MAPK8IP3: variants seen among roughly 807,000 people sequenced by gnomAD.
MAPK8IP3 encodes the protein C-Jun-amino-terminal kinase-interacting protein 3.
MAPK8IP3 carries 49 observed loss-of-function variants against 157.8 expected under a neutral mutation model. The observed-to-expected ratio is 0.31, with a 90% CI of 0.25 to 0.39. The LOEUF is 0.39. MAPK8IP3 is among the 10% of genes least tolerant of loss of function. MAPK8IP3 has a pLI of 1.00. For missense variants in MAPK8IP3, 1,478 were observed against 1,889.4 expected, an observed-to-expected ratio of 0.78 and a Z score of 4.04; for synonymous variants, 897 against 777.7, an observed-to-expected ratio of 1.15 and a Z score of -2.55.
At position 1,729,191 on chromosome 16, in the gene MAPK8IP3, C is replaced by T. The variant is rs777499600; in HGVS notation, c.493C>T (p.His165Tyr). Residue 165 changes from histidine (H) to tyrosine (Y), a missense_variant, in exon 3 of 32, where the codon CAC becomes TAC. By Grantham distance (83) the His-to-Tyr change is moderately conservative. Around this residue, in one of 11 missense-constraint regions of MAPK8IP3, gnomAD observed 315 missense variants for 394.4 expected, o/e 0.80. Coordinates refer to ENST00000610761, the MANE Select transcript of MAPK8IP3 (RefSeq NM_001318852.2). ...SEMKKEYNAL[H>Y]QRHTEMIQTY... ...GATGAAGAAGGAGTACAATGCCCTG[C>T]ACCAGCGGCACACAGAGGTGGGCGC... 1 of 1,613,956 alleles carries T rather than the reference C, an allele frequency of 6.2e-7. No individual in the cohort carries two copies. Among genetic ancestry groups the T allele is most frequent in the Non-Finnish European group, 8.5e-7 (1 of 1,180,024 alleles).
chr16:1,715,311 C>T (rs868169167), intron 1 of MAPK8IP3, among the ~76,000 whole-genome samples: 6 of 152,172 alleles, frequency 3.9e-5, no homozygotes, highest in Non-Finnish European at 5.9e-5. Flanking sequence ...GTCCAGCAGG[C>T]TTCAGGGGCA....
Position 1,762,336 on chromosome 16 carries a change from C to A in MAPK8IP3, c.1540-15C>A. On this transcript the variant is annotated splice_polypyrimidine_tract_variant and intron_variant, in intron 13 of 31. Coordinates refer to ENST00000610761, the MANE Select transcript of MAPK8IP3 (RefSeq NM_001318852.2). ...TCCGAGGGCTGGCTGAGCCTCTGTG[C>A]CCCTCCCTCCGCAGGACAAAATCCC... 5.1e-6 allele frequency: 8 copies of A among 1,560,768 alleles called. No homozygotes were observed. Among genetic ancestry groups the A allele is most frequent in the Non-Finnish European group, 6.9e-6 (8 of 1,154,110 alleles).
chr16:1,762,573 G>A (rs1459193618), intron 14 of MAPK8IP3, 92 bp downstream of exon 14: 1 of 1,572,852 alleles, frequency 6.4e-7, no homozygotes, highest in African/African-American at 1.3e-5. Context: ...GTCTTCTGGG[G>A]GGACTGAAGT....
At chr16:1,725,150 T>C (rs2038786819) in intron 2 of MAPK8IP3, among the ~76,000 whole-genome samples, 1 of 56,062 alleles carries the variant, frequency 1.8e-5, no homozygotes, top group Non-Finnish European at 2.9e-5. Context: ...CAGAAAGGGT[T>C]TATTATTATT....
chr16:1,756,112 G>A (rs897007793), intron 8 of MAPK8IP3, among the ~76,000 whole-genome samples: 2 of 152,112 alleles, frequency 1.3e-5, no homozygotes, highest in African/African-American at 4.8e-5. Context: ...ATGCTCCTTC[G>A]AGGGAGCAGT....
At chr16:1,763,357 C>T (rs765017030) in intron 16 of MAPK8IP3, among the ~76,000 whole-genome samples, 41 of 152,270 alleles carry the variant, frequency 2.7e-4, no homozygotes, top group Non-Finnish European at 5.1e-4. Context: ...CGGCGGCACT[C>T]CAGGTCCCGG....
At position 1,729,146 on chromosome 16, in the gene MAPK8IP3, T is replaced by A. The variant is rs760812692; in HGVS notation, c.448T>A (p.Leu150Met). Residue 150 changes from leucine (L) to methionine (M), a missense_variant, in exon 3 of 32, where the codon TTG (leucine) becomes ATG (methionine). This residue lies in a region of MAPK8IP3 where 315 missense variants were observed against 394.4 expected (regional missense o/e 0.80). Transcript: ENST00000610761. ...GTGATTGTGTTTTCCAGTTTCCCGG[T>A]TGGAGGAGCGGGAGTCGGAGATGAA... ...AKNYADQISRLEERESEMKKE... is the reference protein window; with the variant it reads ...AKNYADQISRMEERESEMKKE... The A allele has an allele frequency of 5.6e-6, 9 of 1,613,938 alleles. No homozygotes were observed. The highest frequency in any genetic ancestry group is 6.8e-6 in the Non-Finnish European group (8 of 1,179,926).
intron 6 of MAPK8IP3, 38 bp downstream of exon 6, chr16:1,747,313 C>A (rs747292351): frequency 1.2e-6 from 2 of 1,601,424 alleles, no homozygotes; most frequent in East Asian, 4.5e-5. Context: ...CTCCCTCGGG[C>A]AGGAGGCAGG....
rs765040996 is a variant in MAPK8IP3 at position 1,766,401 on chromosome 16, G to C, written c.2811G>C (p.Gln937His). Reference protein sequence around the residue: ...DPAPTPSSGPQPGSENGPEPD... With the variant: ...DPAPTPSSGPHPGSENGPEPD... Reference sequence around the variant, plus strand: ...CCCCGACCCCGTCCTCTGGCCCCCAGCCTGGCAGGTGAGCTCTTGGGCTGG... The same window carrying C: ...CCCCGACCCCGTCCTCTGGCCCCCACCCTGGCAGGTGAGCTCTTGGGCTGG... Residue 937 changes from glutamine (Q) to histidine (H), a missense_variant, in exon 22 of 32, where the codon CAG (glutamine) becomes CAC (histidine). This residue lies in a region of MAPK8IP3 where 669 missense variants were observed against 759.8 expected (regional missense o/e 0.88). Coordinates refer to ENST00000610761, the MANE Select transcript of MAPK8IP3 (RefSeq NM_001318852.2). 1.9e-6 allele frequency: 3 copies of C among 1,610,028 alleles called. No individual in the cohort carries two copies. The highest frequency in any genetic ancestry group is 1.3e-5 in the African/African-American group (1 of 74,906).
intron 8 of MAPK8IP3, among the ~76,000 whole-genome samples, chr16:1,752,848 G>A (rs2041372938): frequency 6.6e-6 from 1 of 152,034 alleles, no homozygotes; most frequent in South Asian, 2.1e-4. Flanking sequence ...GAAGGTTTTT[G>A]AAACAGAGGA....
intron 1 of MAPK8IP3, chr16:1,707,936 G>A (rs1301031575): frequency 3.3e-5 from 5 of 152,214 alleles, no homozygotes; most frequent in Non-Finnish European, 7.3e-5. Flanking sequence ...TTATGGCCTA[G>A]TTTGGTTTAA....
intron 1 of MAPK8IP3, among the ~76,000 whole-genome samples, chr16:1,715,660 C>T (rs374894442): frequency 2.0e-5 from 3 of 152,094 alleles, no homozygotes; most frequent in Admixed American, 2.0e-4. Flanking sequence ...TCGTTTCTAA[C>T]CAACCAGCCA....
At position 1,706,240 on chromosome 16, in the gene MAPK8IP3, C is replaced by A. The variant is rs2059512567; in HGVS notation, c.-100C>A. On this transcript the variant is annotated 5_prime_UTR_variant, in exon 1 of 32. Coordinates refer to ENST00000610761, the MANE Select transcript of MAPK8IP3 (RefSeq NM_001318852.2). This position sits in a 1 kb window ranked among gnomAD's most constrained non-coding sequence, Gnocchi z 5.1. ...CGGAGCCCTGAGGCGACAGCAGCTG[C>A]GGGAGGCGACGGGCTGCGGCCTGCG... is the stretch of plus-strand genomic sequence containing the variant. The A allele has an allele frequency of 9.0e-7, 1 of 1,110,978 alleles. No individual in the cohort carries two copies. Among genetic ancestry groups the A allele is most frequent in the Non-Finnish European group, 1.2e-6 (1 of 837,094 alleles). The allele number at this position is 1,110,978 out of a possible 1,614,324, so 68.8% of individuals were successfully genotyped here. A position where few individuals can be genotyped will look rare whatever the true frequency, so the allele number is the denominator to read the frequency against.
At chr16:1,722,698 CA>C (rs762853885) in intron 1 of MAPK8IP3, among the ~76,000 whole-genome samples, 214 of 134,548 alleles carry the variant, frequency 1.6e-3, no homozygotes, top group South Asian at 2.4e-3. Flanking sequence ...GACCCCATCT[CA>C]AAAAAAAAAA....
At position 1,763,660 on chromosome 16, in the gene MAPK8IP3, C is replaced by G. The variant is rs2042082242; in HGVS notation, c.1902C>G (p.Asp634Glu). Residue 634 changes from aspartate (D) to glutamate (E), a missense_variant, in exon 17 of 32, where the codon GAC becomes GAG. Around this residue, in one of 11 missense-constraint regions of MAPK8IP3, gnomAD observed 669 missense variants for 759.8 expected, o/e 0.88. Transcript: ENST00000610761. ...CACCCATCATTCTTCCACTCAGCGA[C>G]TGCACGTCCTCCGCCCGTCGAGAGC... ...SRPLEFFPDD[D>E]CTSSARREQK... is the part of the protein sequence containing the mutation. 1.3e-6 allele frequency: 2 copies of G among 1,568,504 alleles called. No individual in the cohort carries two copies.
In MAPK8IP3 at chr16:1,769,377, C is replaced by G. The variant is rs994254893; in HGVS notation, c.*553C>G. On this transcript the variant is annotated 3_prime_UTR_variant, in exon 32 of 32. Coordinates refer to ENST00000610761, the MANE Select transcript of MAPK8IP3 (RefSeq NM_001318852.2). ...CAGCCGGCCTTCTCTGGGGCCTCCC[C>G]GTCGTCAAGCCTCTATCCTGTCTGT... The G allele has an allele frequency of 6.3e-6, 1 of 158,464 alleles. No homozygotes were observed. Among genetic ancestry groups the G allele is most frequent in the East Asian group, 1.9e-4 (1 of 5,252 alleles). 9.8% of individuals were successfully genotyped at this position (158,464 alleles called of 1,614,324 possible).
chr16:1,731,126 A>G (rs2039290673), intron 4 of MAPK8IP3, among the ~76,000 whole-genome samples: 1 of 151,940 alleles, frequency 6.6e-6, no homozygotes, highest in Non-Finnish European at 1.5e-5. Context: ...GGCGACAGAG[A>G]GTCCATCTCA....
In MAPK8IP3 at chr16:1,724,738, G is replaced by C; in HGVS notation, c.439+61G>C. The stretch of plus-strand genomic sequence containing the variant: ...TGGGCGCTGCTCTGGGACGGCTCTG[G>C]TTGGGGTGGGCATGGAGCGCCTTCC... On this transcript the variant is annotated intron_variant, in intron 2 of 31. Coordinates refer to ENST00000610761, the MANE Select transcript of MAPK8IP3 (RefSeq NM_001318852.2). This position sits in a 1 kb window ranked among gnomAD's most constrained non-coding sequence, Gnocchi z 4.1. 1 of 1,579,630 alleles carries C rather than the reference G, an allele frequency of 6.3e-7. No individual in the cohort carries two copies. Among genetic ancestry groups the C allele is most frequent in the Non-Finnish European group, 8.6e-7 (1 of 1,159,792 alleles).
In MAPK8IP3 at chr16:1,724,502, C is replaced by T. The variant is rs573172107; in HGVS notation, c.319-55C>T. 33 of 1,581,912 alleles carry T rather than the reference C, an allele frequency of 2.1e-5. No homozygotes were observed. Among genetic ancestry groups the T allele is most frequent in the African/African-American group, 9.4e-5 (7 of 74,404 alleles). On this transcript the variant is annotated intron_variant, in intron 1 of 31. Transcript: ENST00000610761. The surrounding 1 kb of genome is among the most constrained non-coding windows in gnomAD (Gnocchi z 4.1). ...AGCCTGCGGCCCTTCAAGTGAAAGG[C>T]GGCTGCTCCACACTCACTCCTGATG...
Sources: gnomAD v4.1 joint callset for allele counts (sites outside exome capture counted in the v4.1 genomes callset) on GRCh38, gnomAD v4.1.1 for gene constraint, gnomAD v4.1.1 regional missense constraint, Gnocchi (gnomAD v3.1) non-coding constraint, MANE v1.5 for transcripts, NCBI Gene and HGNC (gene_info 2026-07-23, HGNC 2026-07-21) for gene names.